The following ROR1 variants were observed in gnomAD, a reference collection of about 807,000 sequenced individuals.
ROR1 encodes the protein inactive tyrosine-protein kinase transmembrane receptor ROR1.
A neutral mutation model predicts 78.8 loss-of-function variants in ROR1; 19 were observed. The observed-to-expected ratio is 0.24, with a 90% CI of 0.17 to 0.35. The LOEUF is 0.35. Among genes scored for constraint, ROR1 ranks in the 10% least tolerant of loss-of-function variants. The probability of loss-of-function intolerance (pLI) is 1.00; values close to 1 mark genes in which losing one functional copy is unlikely to be tolerated. For synonymous variants in ROR1, 386 were observed against 433.6 expected (o/e 0.89, Z 1.36); for missense variants, 917 against 1,177.8 (o/e 0.78, Z 3.24).
At chr1:64,087,303 G>A (rs1200485363) in intron 4 of ROR1, among the ~76,000 whole-genome samples, 1 of 152,334 alleles carries the variant, frequency 6.6e-6, no homozygotes, top group African/African-American at 2.4e-5. Context: ...TGACTAGCAT[G>A]AGGAGGGTAG....
intron 1 of ROR1, among the ~76,000 whole-genome samples, chr1:63,908,288 G>A (rs553087086): frequency 6.6e-6 from 1 of 152,300 alleles, no homozygotes; most frequent in East Asian, 1.9e-4. Flanking sequence ...TGAATGAGGA[G>A]TGACAAAGCA....
At position 64,159,206 on chromosome 1, in the gene ROR1, T is replaced by C; in HGVS notation, c.1386+14T>C. ...TATAAACCCAAGGTAATGTTAGCAG[T>C]ACAGAGCTACATTTGTTCCGTGGGC... On this transcript the variant is annotated intron_variant, in intron 8 of 8. Coordinates refer to ENST00000371079, the MANE Select transcript of ROR1 (RefSeq NM_005012.4). 8.2e-6 allele frequency: 13 copies of C among 1,585,514 alleles called. No individual in the cohort carries two copies. Among genetic ancestry groups the C allele is most frequent in the Non-Finnish European group, 1.1e-5 (13 of 1,153,906 alleles).
At chr1:64,023,211 G>C (rs778063553) in intron 2 of ROR1, among the ~76,000 whole-genome samples, 9 of 152,172 alleles carry the variant, frequency 5.9e-5, no homozygotes, top group Non-Finnish European at 1.2e-4. Context: ...AAGGATGCTA[G>C]CATCCTGCAT....
intron 1 of ROR1, among the ~76,000 whole-genome samples, chr1:63,801,337 C>T (rs1403832275): frequency 6.6e-6 from 1 of 152,074 alleles, no homozygotes; most frequent in African/African-American, 2.4e-5. Flanking sequence ...CTCTGTCACC[C>T]AGGCTGGAGA....
chr1:64,039,441 C>T (rs547741532), intron 2 of ROR1, among the ~76,000 whole-genome samples: 1 of 152,294 alleles, frequency 6.6e-6, no homozygotes, highest in South Asian at 2.1e-4. Context: ...CACCTAGGCT[C>T]CACTTAGAGC....
chr1:63,846,040 C>G (rs1645078203), intron 1 of ROR1, among the ~76,000 whole-genome samples: 1 of 151,790 alleles, frequency 6.6e-6, no homozygotes, highest in African/African-American at 2.4e-5. Context: ...CTACAATATT[C>G]CTTGAAGGGC....
At chr1:63,810,681 C>T (rs1305185699) in intron 1 of ROR1, among the ~76,000 whole-genome samples, 4 of 152,124 alleles carry the variant, frequency 2.6e-5, no homozygotes. Flanking sequence ...AAGGGCAGAC[C>T]AGATGGAGGT....
intron 1 of ROR1, among the ~76,000 whole-genome samples, chr1:63,816,968 C>T (rs775993660): frequency 1.3e-5 from 2 of 152,326 alleles, no homozygotes; most frequent in Non-Finnish European, 2.9e-5. Flanking sequence ...TGGACTACAA[C>T]AGAGGGGAAA....
At chr1:64,175,811 TA>T in intron 8 of ROR1, among the ~76,000 whole-genome samples, 1 of 152,218 alleles carries the variant, frequency 6.6e-6, no homozygotes, top group East Asian at 1.9e-4. Context: ...AATTCTAAAT[TA>T]GTAGAGTTTG....
At chr1:64,143,663 T>TA (rs1649393464) in intron 7 of ROR1, among the ~76,000 whole-genome samples, 1 of 152,150 alleles carries the variant, frequency 6.6e-6, no homozygotes, top group African/African-American at 2.4e-5. Context: ...GCCAAGTACT[T>TA]ACTCATCCGA....
At chr1:64,059,878 T>C (rs1490209886) in intron 4 of ROR1, among the ~76,000 whole-genome samples, 1 of 152,170 alleles carries the variant, frequency 6.6e-6, no homozygotes, top group East Asian at 1.9e-4. Flanking sequence ...AGGTCCAAAT[T>C]CATCCTGCCT....
intron 8 of ROR1, chr1:64,171,179 T>A (rs1016841772): frequency 5.7e-5 from 10 of 176,210 alleles, no homozygotes; most frequent in Non-Finnish European, 8.0e-5. Flanking sequence ...CACCTGAGAC[T>A]GGGAAGAAAA....
At chr1:64,035,659 G>C (rs562547020) in intron 2 of ROR1, among the ~76,000 whole-genome samples, 2 of 152,304 alleles carry the variant, frequency 1.3e-5, no homozygotes, top group East Asian at 3.9e-4. Flanking sequence ...GGGGGCCATA[G>C]AGTGTTGATC....
intron 1 of ROR1, among the ~76,000 whole-genome samples, chr1:63,912,314 A>G (rs957154597): frequency 1.9e-4 from 28 of 149,572 alleles, no homozygotes; most frequent in African/African-American, 6.9e-4. Context: ...AAAAAAAAAC[A>G]AAAAACAGAA....
chr1:63,982,125 C>T (rs759316135), intron 1 of ROR1, among the ~76,000 whole-genome samples: 2 of 152,042 alleles, frequency 1.3e-5, no homozygotes, highest in African/African-American at 4.8e-5. Context: ...ATTATTATCC[C>T]CAATTGGCAG....
chr1:63,826,473 T>A (rs1394451432), intron 1 of ROR1, among the ~76,000 whole-genome samples: 1 of 152,182 alleles, frequency 6.6e-6, no homozygotes, highest in Non-Finnish European at 1.5e-5. Flanking sequence ...CATACCACAT[T>A]TTCTTTATCT....
intron 1 of ROR1, among the ~76,000 whole-genome samples, chr1:63,933,998 C>T (rs72683082): frequency 0.071 from 10,814 of 152,220 alleles, 452 homozygotes; most frequent in Middle Eastern, 0.095. Flanking sequence ...GGGAGCTGGG[C>T]TCTGTCTCAG....
chr1:63,866,204 C>T (rs1645214394), intron 1 of ROR1, among the ~76,000 whole-genome samples: 1 of 152,086 alleles, frequency 6.6e-6, no homozygotes, highest in Admixed American at 6.6e-5. Flanking sequence ...CTTACTAGAT[C>T]TGACAGAGAA....
chr1:64,175,335 C>A (rs1465524949), intron 8 of ROR1, among the ~76,000 whole-genome samples: 1 of 152,028 alleles, frequency 6.6e-6, no homozygotes, highest in East Asian at 1.9e-4. Flanking sequence ...ATTTTGCAGA[C>A]CTTCCCATAC....
Sources: gnomAD v4.1 joint callset for allele counts (sites outside exome capture counted in the v4.1 genomes callset) on GRCh38, gnomAD v4.1.1 for gene constraint, MANE v1.5 for transcripts, NCBI Gene and HGNC (gene_info 2026-07-23, HGNC 2026-07-21) for gene names.